GTF3C6: variants seen among roughly 807,000 people sequenced by gnomAD.
The protein encoded by GTF3C6 is general transcription factor 3C polypeptide 6.
Under a neutral mutation model 19.2 loss-of-function variants are expected in GTF3C6, and 11 were observed. The ratio of observed to expected loss-of-function variants is 0.57; its 90% CI spans 0.36 to 0.95. The LOEUF (loss-of-function observed/expected upper bound fraction) is 0.95, where lower values mean the gene tolerates loss of function less well. GTF3C6 is among the 40% of genes least tolerant of loss of function. GTF3C6 has a pLI of 0.01. For missense variants in GTF3C6, 222 were observed against 254.7 expected (o/e 0.87, Z 0.87); for synonymous variants, 87 against 84.2 (o/e 1.03, Z -0.18).
intron 2 of GTF3C6, among the ~76,000 whole-genome samples, chr6:110,959,535 C>G (rs1771131014): frequency 6.6e-6 from 1 of 152,076 alleles, no homozygotes; most frequent in South Asian, 2.1e-4. Flanking sequence ...GAGGAAGTAA[C>G]ATTGTGATAT....
At chr6:110,960,060 A>G (rs774742664) in intron 2 of GTF3C6, among the ~76,000 whole-genome samples, 1 of 152,114 alleles carries the variant, frequency 6.6e-6, no homozygotes, top group Non-Finnish European at 1.5e-5. Context: ...GATTGCCTGA[A>G]CATGATCATG....
chr6:110,961,926 C>T (rs1466050662), intron 4 of GTF3C6, among the ~76,000 whole-genome samples: 1 of 149,856 alleles, frequency 6.7e-6, no homozygotes, highest in Non-Finnish European at 1.5e-5. Flanking sequence ...TTTCTTGAGA[C>T]AGTTTTGCTT....
chr6:110,959,672 A>T (rs1295732244), intron 2 of GTF3C6, among the ~76,000 whole-genome samples: 1 of 152,034 alleles, frequency 6.6e-6, no homozygotes, highest in Non-Finnish European at 1.5e-5. Context: ...ATAATAATAA[A>T]AAAAAATGGC....
Position 110,959,155 on chromosome 6 carries a change from C to T in GTF3C6, c.58-17C>T. On this transcript the variant is annotated splice_polypyrimidine_tract_variant and intron_variant, in intron 1 of 5. Transcript: ENST00000329970. Reference sequence around the variant, plus strand: ...CCGCTCGCGTGCTAGCATGTTAACCCCTCTTTCTTTCACCAGGAGCAGTTG... The same window carrying T: ...CCGCTCGCGTGCTAGCATGTTAACCTCTCTTTCTTTCACCAGGAGCAGTTG... The T allele has an allele frequency of 3.8e-6, 6 of 1,575,290 alleles. No homozygotes were observed. Among genetic ancestry groups the T allele is most frequent in the South Asian group, 1.1e-5 (1 of 90,276 alleles).
At chr6:110,959,731 G>C (rs1248879945) in intron 2 of GTF3C6, among the ~76,000 whole-genome samples, 1 of 151,988 alleles carries the variant, frequency 6.6e-6, no homozygotes, top group Non-Finnish European at 1.5e-5. Context: ...AGGCCGAGGC[G>C]GGTAGATCAC....
intron 4 of GTF3C6, among the ~76,000 whole-genome samples, chr6:110,961,782 A>C (rs1041184974): frequency 6.6e-6 from 1 of 152,196 alleles, no homozygotes; most frequent in African/African-American, 2.4e-5. Flanking sequence ...CCTGGCCCCA[A>C]TTTCCATTTC....
Position 110,967,771 on chromosome 6 carries a change from A to G in GTF3C6, c.623A>G (p.Glu208Gly). ...PSETEGSVFMETQMLP is the reference protein window; with the variant it reads ...PSETEGSVFMGTQMLP The stretch of plus-strand genomic sequence containing the variant: ...GAGACAGAAGGTTCTGTTTTTATGG[A>G]AACTCAAATGCTGCCTTAGAAATCA... The change falls in exon 6 of 6, where the codon GAA (glutamate) becomes GGA (glycine). Residue 208 changes from glutamate to glycine, a missense_variant. By Grantham distance (98) the Glu-to-Gly change is moderately conservative. Transcript: ENST00000329970. 1 of 1,605,394 alleles carries G rather than the reference A, an allele frequency of 6.2e-7. No homozygotes were observed. The highest frequency in any genetic ancestry group is 8.5e-7 in the Non-Finnish European group (1 of 1,176,736).
intron 5 of GTF3C6, among the ~76,000 whole-genome samples, chr6:110,963,741 A>T: frequency 7.0e-6 from 1 of 142,670 alleles, no homozygotes. Flanking sequence ...TCGCTCTGTC[A>T]CTCAGGCTGG....
At chr6:110,962,578 G>C in intron 5 of GTF3C6, 73 bp downstream of exon 5, 1 of 810,226 alleles carries the variant, frequency 1.2e-6, no homozygotes, top group Non-Finnish European at 2.1e-6. Context: ...TGCCAGGATA[G>C]TCCTTGTACT....
chr6:110,964,826 GT>G (rs1229313061), intron 5 of GTF3C6, among the ~76,000 whole-genome samples: 16 of 142,018 alleles, frequency 1.1e-4, no homozygotes, highest in African/African-American at 3.7e-4. Flanking sequence ...TAGAGACGGA[GT>G]TTTTTTTCTT....
chr6:110,964,255 T>C (rs1431143519), intron 5 of GTF3C6, among the ~76,000 whole-genome samples: 1 of 151,802 alleles, frequency 6.6e-6, no homozygotes, highest in Non-Finnish European at 1.5e-5. Context: ...TTTGTTTTCT[T>C]TTTTTTTGAG....
intron 5 of GTF3C6, among the ~76,000 whole-genome samples, chr6:110,965,059 C>A (rs1771213461): frequency 6.6e-6 from 1 of 151,642 alleles, no homozygotes; most frequent in Non-Finnish European, 1.5e-5. Context: ...GTCTCGAACT[C>A]CCGACCTCAA....
chr6:110,961,034 A>G (rs1771153658), intron 4 of GTF3C6, among the ~76,000 whole-genome samples: 1 of 151,938 alleles, frequency 6.6e-6, no homozygotes, highest in South Asian at 2.1e-4. Context: ...CAACAGAGCT[A>G]GATAAACTGT....
Position 110,958,792 on chromosome 6 carries a change from G to C in GTF3C6, c.23G>C (p.Arg8Pro), listed in dbSNP as rs761541189. The change falls in exon 1 of 6, where the codon CGG becomes CCG. Residue 8 changes from arginine (R) to proline (P), a missense_variant. Transcript: ENST00000329970. Reference protein sequence around the residue: MAAAADERSPEDGEDEEE... With the variant: MAAAADEPSPEDGEDEEE... The stretch of plus-strand genomic sequence containing the variant: ...ACCATGGCGGCGGCGGCGGACGAGC[G>C]GAGTCCAGAGGACGGAGAAGACGAG... 9.7e-6 allele frequency: 15 copies of C among 1,550,968 alleles called. No individual in the cohort carries two copies. The highest frequency in any genetic ancestry group is 1.1e-5 in the Non-Finnish European group (13 of 1,146,980).
At chr6:110,959,006 C>A (rs1771123019) in intron 1 of GTF3C6, 166 bp from the exon 2 acceptor site, 10 of 832,006 alleles carry the variant, frequency 1.2e-5, no homozygotes, top group African/African-American at 1.7e-5. Context: ...ATCGTCACCC[C>A]GTACTTGGGA....
intron 1 of GTF3C6, 82 bp from the exon 2 acceptor site, chr6:110,959,090 G>T: frequency 9.5e-7 from 1 of 1,055,180 alleles, no homozygotes; most frequent in Non-Finnish European, 1.5e-6. Context: ...TTTCACAAAT[G>T]TGGGAAATTT....
At chr6:110,962,080 C>G (rs1240967916) in intron 4 of GTF3C6, among the ~76,000 whole-genome samples, 1 of 151,788 alleles carries the variant, frequency 6.6e-6, no homozygotes, top group South Asian at 2.1e-4. Flanking sequence ...TTTTTTGTAT[C>G]TTTAGTAGAG....
At chr6:110,958,998 C>A in intron 1 of GTF3C6, 172 bp downstream of exon 1, 1 of 843,212 alleles carries the variant, frequency 1.2e-6, no homozygotes, top group Non-Finnish European at 1.9e-6. Context: ...TAGCCCTAAT[C>A]GTCACCCCGT....
Position 110,964,836 on chromosome 6 carries a change from T to C in GTF3C6, c.361+2331T>C, listed in dbSNP as rs9487565. Among the ~76,000 whole-genome samples the C allele has an allele frequency of 6.3e-5, 5 of 79,714 alleles. No homozygotes were observed. In the East Asian group the frequency reaches 6.9e-3, roughly 110 times the overall value. The allele number at this position is 79,714 out of a possible 152,430, so 52.3% of individuals were successfully genotyped here. ...TTTAGTAGAGACGGAGTTTTTTTTC[T>C]TTTTTTTTTTTTTGGAGACGAATTT... On this transcript the variant is annotated intron_variant, in intron 5 of 5. Transcript: ENST00000329970.
Sources: gnomAD v4.1 joint callset for allele counts (sites outside exome capture counted in the v4.1 genomes callset) on GRCh38, gnomAD v4.1.1 for gene constraint, MANE v1.5 for transcripts, NCBI Gene and HGNC (gene_info 2026-07-23, HGNC 2026-07-21) for gene names.